SMAD2: variants seen among roughly 807,000 people sequenced by gnomAD.
The protein encoded by SMAD2 is SMAD family member 2.
In SMAD2, 8 loss-of-function variants were observed where a neutral mutation model predicts 64.4. The observed-to-expected ratio is 0.12, with a 90% CI of 0.07 to 0.22. The LOEUF is 0.22. Ranked by LOEUF, SMAD2 falls within the 10% of genes least tolerant of loss-of-function variation. The pLI, the probability that SMAD2 is intolerant of heterozygous loss-of-function variation, is 1.00. For missense variants in SMAD2, 289 were observed against 561.2 expected, an observed-to-expected ratio of 0.51 and a Z score of 4.90; for synonymous variants, 203 against 195.8, an observed-to-expected ratio of 1.04 and a Z score of -0.31.
At chr18:47,860,124 A>G (rs1349494964) in intron 6 of SMAD2, among the ~76,000 whole-genome samples, 1 of 152,164 alleles carries the variant, frequency 6.6e-6, no homozygotes, top group Admixed American at 6.5e-5. Context: ...ACGAAGTGAG[A>G]TCCTGTCTCA....
chr18:47,924,220 C>T (rs2034672103), intron 1 of SMAD2, among the ~76,000 whole-genome samples: 2 of 145,878 alleles, frequency 1.4e-5, no homozygotes, highest in African/African-American at 2.5e-5. Flanking sequence ...TGCACTCCAG[C>T]CTGGGCAACA....
rs531315381 is a variant in SMAD2, at chr18:47,828,051, C to T, written c.*13776G>A. On this transcript the variant is annotated 3_prime_UTR_variant, in exon 11 of 11. Coordinates refer to ENST00000262160, the MANE Select transcript of SMAD2 (RefSeq NM_005901.6). ...GATGTGGGGAGCGCCTCTGCCCCGC[C>T]GCCCCGTCTGGGATGTGAGGAGTGT... is the stretch of plus-strand genomic sequence containing the variant. 12 of 173,622 alleles carry T rather than the reference C, an allele frequency of 6.9e-5. 1 individual carries two copies. In the South Asian group the frequency reaches 9.9e-4, roughly 14 times the overall value. The allele number at this position is 173,622 out of a possible 1,614,324, so 10.8% of individuals were successfully genotyped here.
intron 1 of SMAD2, among the ~76,000 whole-genome samples, chr18:47,902,587 C>A (rs552194933): frequency 5.9e-5 from 9 of 152,246 alleles, no homozygotes; most frequent in African/African-American, 1.9e-4. Context: ...TATGAAACAA[C>A]AGAAAACGTG....
Position 47,816,721 on chromosome 18 carries a change from C to T in SMAD2, c.*25106G>A, listed in dbSNP as rs941840209. ...ATTTTTCTTTAAAATCTTTGTCTTC[C>T]TTTACTTCCCTGAATACACACGTAG... On this transcript the variant is annotated 3_prime_UTR_variant, in exon 11 of 11. Transcript: ENST00000262160. 7.3e-5 allele frequency: 11 copies of T among 151,056 alleles called. No homozygotes were observed. The highest frequency in any genetic ancestry group is 1.5e-4 in the Non-Finnish European group (10 of 67,916). 9.4% of individuals were successfully genotyped at this position (151,056 alleles called of 1,614,324 possible).
In SMAD2 at chr18:47,870,492, G is replaced by T; in HGVS notation, c.309C>A (p.Ser103Arg). The change falls in exon 3 of 11, where the codon AGC (serine) becomes AGA (arginine). Residue 103 changes from serine (S) to arginine (R), a missense_variant. Physicochemically the swap from Ser to Arg is moderately radical, Grantham distance 110 (BLOSUM62 -1). This residue lies in a region of SMAD2 where 89 missense variants were observed against 137.1 expected (regional missense o/e 0.65). Coordinates refer to ENST00000262160, the MANE Select transcript of SMAD2 (RefSeq NM_005901.6). ...IDQWDTTGLY[S>R]FSEQTRSLDG... The stretch of plus-strand genomic sequence containing the variant: ...ATATTCACCTGGTTTGTTCAGAGAA[G>T]CTGTAAAGGCCTGTTGTATCCCACT... 6.2e-7 allele frequency: 1 copy of T among 1,612,308 alleles called. No homozygotes were observed. The highest frequency in any genetic ancestry group is 8.5e-7 in the Non-Finnish European group (1 of 1,178,460).
At chr18:47,852,053 T>C (rs2030153611) in intron 6 of SMAD2, among the ~76,000 whole-genome samples, 1 of 152,188 alleles carries the variant, frequency 6.6e-6, no homozygotes, top group South Asian at 2.1e-4. Context: ...GAAAACATGG[T>C]CACAAGTACA....
intron 2 of SMAD2, among the ~76,000 whole-genome samples, chr18:47,883,753 T>C (rs1367954630): frequency 1.3e-5 from 2 of 152,230 alleles, no homozygotes; most frequent in East Asian, 3.8e-4. Flanking sequence ...TGCGTGCCAT[T>C]TTTCACCAGC....
chr18:47,909,217 T>C (rs2034025448), intron 1 of SMAD2, among the ~76,000 whole-genome samples: 1 of 152,216 alleles, frequency 6.6e-6, no homozygotes, highest in Non-Finnish European at 1.5e-5. Flanking sequence ...AAGAAAGGCG[T>C]ACCTATAGAC....
At chr18:47,865,606 A>G (rs898262251) in intron 5 of SMAD2, among the ~76,000 whole-genome samples, 2 of 152,292 alleles carry the variant, frequency 1.3e-5, no homozygotes, top group Middle Eastern at 3.4e-3. Context: ...ACTTACACTA[A>G]GTTCTATAGG....
At chr18:47,922,886 CCATGGAGAATGATGGGT>C (rs1414916276) in intron 1 of SMAD2, among the ~76,000 whole-genome samples, 1 of 152,118 alleles carries the variant, frequency 6.6e-6, no homozygotes, top group Non-Finnish European at 1.5e-5. Flanking sequence ...AGGTCGGCCC[CCATGGAGAATGATGGGT>C]CATGTCTTTT....
At chr18:47,890,545 C>T (rs1239170267) in intron 2 of SMAD2, among the ~76,000 whole-genome samples, 3 of 152,254 alleles carry the variant, frequency 2.0e-5, no homozygotes, top group South Asian at 2.1e-4. Context: ...TTATGAAGCT[C>T]ATTTACATTA....
chr18:47,845,836 A>G, intron 8 of SMAD2, 36 bp from the exon 9 acceptor site: 1 of 1,591,242 alleles, frequency 6.3e-7, no homozygotes, highest in South Asian at 1.1e-5. Context: ...GTTTTGTAAC[A>G]TTTACTATTT....
Position 47,834,193 on chromosome 18 carries a change from G to A in SMAD2, c.*7634C>T. 4.7e-6 allele frequency: 1 copy of A among 212,264 alleles called. No individual in the cohort carries two copies. Among genetic ancestry groups the A allele is most frequent in the Non-Finnish European group, 9.5e-6 (1 of 104,802 alleles). 13.1% of individuals were successfully genotyped at this position (212,264 alleles called of 1,614,324 possible). On this transcript the variant is annotated 3_prime_UTR_variant, in exon 11 of 11. Transcript: ENST00000262160. ...CAACTATGACAACATAGGGAAGTAA[G>A]GATAAATCACAAGAACACCTAAGGT...
At chr18:47,906,290 G>GA (rs1242991657) in intron 1 of SMAD2, among the ~76,000 whole-genome samples, 1 of 152,012 alleles carries the variant, frequency 6.6e-6, no homozygotes, top group Non-Finnish European at 1.5e-5. Context: ...CTAAAAATTG[G>GA]AAAAAATCTG....
intron 1 of SMAD2, among the ~76,000 whole-genome samples, chr18:47,928,504 C>T (rs995764642): frequency 6.6e-6 from 1 of 152,194 alleles, no homozygotes; most frequent in Admixed American, 6.5e-5. Flanking sequence ...TTTGTTCCTA[C>T]TAAAGTTCTG....
intron 2 of SMAD2, among the ~76,000 whole-genome samples, chr18:47,890,636 TAC>T (rs939829767): frequency 7.2e-5 from 11 of 152,184 alleles, no homozygotes; most frequent in Non-Finnish European, 1.0e-4. Context: ...GTAAAAAAAG[TAC>T]AGTCATATTC....
intron 1 of SMAD2, among the ~76,000 whole-genome samples, chr18:47,929,837 C>G (rs533749494): frequency 3.3e-5 from 5 of 152,110 alleles, no homozygotes; most frequent in Non-Finnish European, 7.4e-5. Context: ...TTTCCAAAGG[C>G]GTGTGATAAA....
At chr18:47,916,354 G>C (rs1395384486) in intron 1 of SMAD2, among the ~76,000 whole-genome samples, 2 of 152,058 alleles carry the variant, frequency 1.3e-5, no homozygotes, top group African/African-American at 4.8e-5. Flanking sequence ...TTTGTAGTCT[G>C]GTGTTTTGCT....
chr18:47,844,743 C>T (rs916866344), intron 10 of SMAD2, among the ~76,000 whole-genome samples: 2 of 152,182 alleles, frequency 1.3e-5, no homozygotes, highest in Admixed American at 1.3e-4. Context: ...TTCAACCTTA[C>T]AAAGAATGAA....
Sources: gnomAD v4.1 joint callset for allele counts (sites outside exome capture counted in the v4.1 genomes callset) on GRCh38, gnomAD v4.1.1 for gene constraint, gnomAD v4.1.1 regional missense constraint, MANE v1.5 for transcripts, NCBI Gene and HGNC (gene_info 2026-07-23, HGNC 2026-07-21) for gene names.